ZNF8: variants seen among roughly 807,000 people sequenced by gnomAD.
ZNF8 encodes the protein zinc finger protein 8.
ZNF8 carries 9 observed loss-of-function variants against 12.2 expected under a neutral mutation model. The observed-to-expected ratio is 0.73, with a 90% CI of 0.44 to 1.28. The LOEUF is 1.28. Among genes scored for constraint, ZNF8 ranks in the 50% most tolerant of loss-of-function variants. The probability of loss-of-function intolerance (pLI) is 0.00; values close to 1 mark genes in which losing one functional copy is unlikely to be tolerated. For missense variants in ZNF8, 664 were observed against 729.1 expected (o/e 0.91, Z 1.03); for synonymous variants, 274 against 282.3 (o/e 0.97, Z 0.30).
At chr19:58,283,416 A>C (rs2051362456) in intron 1 of ZNF8, among the ~76,000 whole-genome samples, 2 of 152,134 alleles carry the variant, frequency 1.3e-5, no homozygotes, top group Admixed American at 1.3e-4. Flanking sequence ...TAAGGTTATC[A>C]GGATTGGACT....
Position 58,295,985 on chromosome 19 carries a change from T to C in ZNF8, c.*449T>C, listed in dbSNP as rs2051452564. ...GTTGCTTGTGGACTGGTAGAGGGTA[T>C]GATGTTGACCATGGCAATACTGTGA... is the stretch of plus-strand genomic sequence containing the variant. On this transcript the variant is annotated 3_prime_UTR_variant, in exon 4 of 4. Transcript: ENST00000621650. 1 of 162,232 alleles carries C rather than the reference T, an allele frequency of 6.2e-6. No homozygotes were observed. Among genetic ancestry groups the C allele is most frequent in the Non-Finnish European group, 1.3e-5 (1 of 74,474 alleles). The allele number at this position is 162,232 out of a possible 1,614,324, so 10.0% of individuals were successfully genotyped here. A position where few individuals can be genotyped will look rare whatever the true frequency, so the allele number is the denominator to read the frequency against.
intron 3 of ZNF8, among the ~76,000 whole-genome samples, chr19:58,287,197 G>C (rs983717613): frequency 6.6e-6 from 1 of 151,890 alleles, no homozygotes; most frequent in Non-Finnish European, 1.5e-5. Context: ...GCACCACCAC[G>C]CCCTGGTAAT....
rs1168453101 is a variant in ZNF8 at position 58,296,894 on chromosome 19, AAGCCACCTGGGTATAAACCC to A, written c.*1363_*1382del. ...AAATGTCAATAGTGCCAAGGTGGAG[AAGCCACCTGGGTATAAACCC>A]AGCCCAGAAATGTAGCTGACATTTT... On this transcript the variant is annotated 3_prime_UTR_variant, in exon 4 of 4. Transcript: ENST00000621650. The A allele has an allele frequency of 6.6e-6, 1 of 152,134 alleles. No homozygotes were observed. The highest frequency in any genetic ancestry group is 1.5e-5 in the Non-Finnish European group (1 of 68,048). The allele number at this position is 152,134 out of a possible 1,614,324, so 9.4% of individuals were successfully genotyped here.
rs546873468 is a variant in ZNF8, at chr19:58,292,739, C to T, written c.290-1359C>T. On this transcript the variant is annotated intron_variant, in intron 3 of 3. Transcript: ENST00000621650. ...GTTTTCCGGCTTATCCATGTTGTAGCGTATGTCAGTACTTTGTTCTTTTTT... is the reference window on the plus strand; with the variant it reads ...GTTTTCCGGCTTATCCATGTTGTAGTGTATGTCAGTACTTTGTTCTTTTTT... 6.6e-5 allele frequency among the ~76,000 whole-genome samples: 10 copies of T among 152,290 alleles called. No individual in the cohort carries two copies. In the East Asian group the frequency reaches 9.6e-4, roughly 15 times the overall value.
intron 3 of ZNF8, among the ~76,000 whole-genome samples, chr19:58,293,622 G>T (rs1473880672): frequency 6.6e-6 from 1 of 152,194 alleles, no homozygotes; most frequent in Non-Finnish European, 1.5e-5. Flanking sequence ...ATCAGACAAG[G>T]AGATGTGACA....
intron 1 of ZNF8, among the ~76,000 whole-genome samples, chr19:58,283,553 C>A (rs1193622270): frequency 2.6e-5 from 4 of 151,798 alleles, no homozygotes. Context: ...GATGCCAGTA[C>A]CATGATATTA....
At chr19:58,281,636 A>G (rs2051351089) in intron 1 of ZNF8, among the ~76,000 whole-genome samples, 1 of 152,136 alleles carries the variant, frequency 6.6e-6, no homozygotes, top group Admixed American at 6.6e-5. Flanking sequence ...ACAAATCAAA[A>G]TTGGTGGGCA....
chr19:58,279,102 G>A lies in ZNF8; in HGVS notation c.21G>A (p.Gly7=). 1 of 1,545,212 alleles carries A rather than the reference G, an allele frequency of 6.5e-7. No individual in the cohort carries two copies. The highest frequency in any genetic ancestry group is 1.2e-5 in the South Asian group (1 of 81,842). The change falls in exon 1 of 4, where the codon GGG becomes GGA. Residue 7 remains glycine (G), a synonymous_variant. Transcript: ENST00000621650. MDPEDE[G]VAGVMSVGPP... ...CCAGCATGGACCCCGAGGACGAAGG[G>A]GTAGCGGGAGTGATGTCTGTGGGGC...
chr19:58,292,004 A>G (rs1393479231), intron 3 of ZNF8, among the ~76,000 whole-genome samples: 1 of 152,140 alleles, frequency 6.6e-6, no homozygotes. Flanking sequence ...GTCCATCCTC[A>G]GAAGTGACTG....
intron 1 of ZNF8, among the ~76,000 whole-genome samples, chr19:58,285,191 G>A (rs1050334536): frequency 1.2e-4 from 18 of 149,228 alleles, no homozygotes; most frequent in Non-Finnish European, 1.9e-4. Context: ...TCACTCTGTC[G>A]CCTCAGCTGG....
chr19:58,280,831 C>T (rs2051346873), intron 1 of ZNF8, among the ~76,000 whole-genome samples: 1 of 152,188 alleles, frequency 6.6e-6, no homozygotes, highest in East Asian at 1.9e-4. Flanking sequence ...TATTCCTTGC[C>T]TCATGGCCCT....
chr19:58,281,582 A>C (rs1465595796), intron 1 of ZNF8, among the ~76,000 whole-genome samples: 1 of 152,144 alleles, frequency 6.6e-6, no homozygotes, highest in East Asian at 1.9e-4. Context: ...TGACTCTTGC[A>C]GAATGGGTGA....
chr19:58,279,065 T>C lies in ZNF8; in HGVS notation c.-17T>C. 6.8e-7 allele frequency: 1 copy of C among 1,475,008 alleles called. No homozygotes were observed. The highest frequency in any genetic ancestry group is 9.1e-7 in the Non-Finnish European group (1 of 1,104,786). The allele number at this position is 1,475,008 out of a possible 1,614,324, so 91.4% of individuals were successfully genotyped here. A position where few individuals can be genotyped will look rare whatever the true frequency, so the allele number is the denominator to read the frequency against. On this transcript the variant is annotated 5_prime_UTR_variant, in exon 1 of 4. Transcript: ENST00000621650. ...TGGGGATCACCTCAGGCGCTGTCCTTCACTGGGCGATCCAGCATGGACCCC... is the reference window on the plus strand; with the variant it reads ...TGGGGATCACCTCAGGCGCTGTCCTCCACTGGGCGATCCAGCATGGACCCC...
chr19:58,279,829 G>C, intron 1 of ZNF8: 1 of 1,397,162 alleles, frequency 7.2e-7, no homozygotes, highest in Non-Finnish European at 9.4e-7. Context: ...TCGCGTGGCA[G>C]GAAACAACAA....
intron 3 of ZNF8, among the ~76,000 whole-genome samples, chr19:58,293,881 G>A (rs942886430): frequency 6.6e-5 from 10 of 152,220 alleles, no homozygotes; most frequent in African/African-American, 2.4e-4. Flanking sequence ...TGACTTCATT[G>A]CCAGTGCATG....
Position 58,294,297 on chromosome 19 carries a change from C to G in ZNF8, c.489C>G (p.Leu163=). The change falls in exon 4 of 4, where the codon CTC becomes CTG. Residue 163 remains leucine, a synonymous_variant. Coordinates refer to ENST00000621650, the MANE Select transcript of ZNF8 (RefSeq NM_021089.3). This position sits in a 1 kb window ranked among gnomAD's most constrained non-coding sequence, Gnocchi z 5.5. ...ACTTGAAGCAGTTGGAATTTGGCCTCAAGGAAGCACCAGTTCAAGATCAAG... is the reference window on the plus strand; with the variant it reads ...ACTTGAAGCAGTTGGAATTTGGCCTGAAGGAAGCACCAGTTCAAGATCAAG... ...QNNLKQLEFG[L]KEAPVQDQGY... 1 of 1,614,126 alleles carries G rather than the reference C, an allele frequency of 6.2e-7. No individual in the cohort carries two copies.
Position 58,302,738 on chromosome 19 carries a change from A to G in ZNF8, c.*7202A>G, listed in dbSNP as rs753384714. On this transcript the variant is annotated 3_prime_UTR_variant, in exon 4 of 4. Coordinates refer to ENST00000621650, the MANE Select transcript of ZNF8 (RefSeq NM_021089.3). ...TTATCAGCCACTATCTAAATTACACATACATAAACCCTTTGTCTAAGCAAA... is the reference window on the plus strand; with the variant it reads ...TTATCAGCCACTATCTAAATTACACGTACATAAACCCTTTGTCTAAGCAAA... The G allele has an allele frequency of 6.6e-6, 1 of 152,236 alleles. No individual in the cohort carries two copies. Among genetic ancestry groups the G allele is most frequent in the Non-Finnish European group, 1.5e-5 (1 of 68,040 alleles). 9.4% of individuals were successfully genotyped at this position (152,236 alleles called of 1,614,324 possible). A position where few individuals can be genotyped will look rare whatever the true frequency, so the allele number is the denominator to read the frequency against.
Position 58,286,310 on chromosome 19 carries a change from A to T in ZNF8, c.289+105A>T. 3.4e-6 allele frequency: 3 copies of T among 870,074 alleles called. No homozygotes were observed. The South Asian group carries it at 4.6e-5, about 13-fold the overall frequency. 53.9% of individuals were successfully genotyped at this position (870,074 alleles called of 1,614,324 possible). A position where few individuals can be genotyped will look rare whatever the true frequency, so the allele number is the denominator to read the frequency against. On this transcript the variant is annotated intron_variant, in intron 3 of 3. Transcript: ENST00000621650. Reference sequence around the variant, plus strand: ...GGTTGGTGGTCCTGAAGACCACCCCATTCACTAGGAGTATACAGGACTCAG... The same window carrying T: ...GGTTGGTGGTCCTGAAGACCACCCCTTTCACTAGGAGTATACAGGACTCAG...
At chr19:58,279,476 A>G (rs1200169298) in intron 1 of ZNF8, 2 of 1,460,896 alleles carry the variant, frequency 1.4e-6, no homozygotes, top group Non-Finnish European at 1.8e-6. Context: ...CCATTCCAGG[A>G]AGGTCTGTCC....
Sources: allele counts gnomAD v4.1 joint callset (sites outside exome capture counted in the v4.1 genomes callset), GRCh38; gene constraint gnomAD v4.1.1; non-coding constraint Gnocchi (gnomAD v3.1); transcripts MANE v1.5; gene names NCBI Gene and HGNC (gene_info 2026-07-23, HGNC 2026-07-21).